FKBP6: variants seen among roughly 807,000 people sequenced by gnomAD.
FKBP6 encodes the protein inactive peptidyl-prolyl cis-trans isomerase FKBP6.
In FKBP6, 29 loss-of-function variants were observed where a neutral mutation model predicts 41.7. That is an observed-to-expected ratio of 0.70 (90% CI 0.52 to 0.95). FKBP6 has a LOEUF of 0.95. Among genes scored for constraint, FKBP6 ranks in the 40% least tolerant of loss-of-function variants. The pLI, the probability that FKBP6 is intolerant of heterozygous loss-of-function variation, is 0.00. For synonymous variants in FKBP6, 130 were observed against 165.1 expected, an observed-to-expected ratio of 0.79 and a Z score of 1.63; for missense variants, 338 against 408.7, an observed-to-expected ratio of 0.83 and a Z score of 1.49.
At chr7:73,339,663 G>C (rs1216950396) in intron 5 of FKBP6, among the ~76,000 whole-genome samples, 1 of 148,978 alleles carries the variant, frequency 6.7e-6, no homozygotes, top group Non-Finnish European at 1.5e-5. Context: ...ACCTAGGCTG[G>C]AGTGCAGTGG....
intron 8 of FKBP6, among the ~76,000 whole-genome samples, chr7:73,347,635 G>C (rs568771395): frequency 1.3e-5 from 2 of 152,126 alleles, no homozygotes; most frequent in Admixed American, 6.6e-5. Flanking sequence ...GCTAAAGACA[G>C]TATTTCTTGT....
At chr7:73,331,965 G>A (rs1015257743) in intron 5 of FKBP6, among the ~76,000 whole-genome samples, 189 bp downstream of exon 5, 3 of 152,024 alleles carry the variant, frequency 2.0e-5, no homozygotes, top group East Asian at 1.9e-4. Flanking sequence ...CTGGGTTCAC[G>A]CCATTCTCCT....
At chr7:73,331,578 G>T (rs782433988) in intron 4 of FKBP6, 79 bp from the exon 5 acceptor site, 10 of 1,487,538 alleles carry the variant, frequency 6.7e-6, no homozygotes, top group Non-Finnish European at 8.4e-6. Flanking sequence ...GAACTCCTGG[G>T]CTCACGTGTA....
chr7:73,338,502 G>T (rs962591579), intron 5 of FKBP6, among the ~76,000 whole-genome samples: 1 of 152,238 alleles, frequency 6.6e-6, no homozygotes, highest in Non-Finnish European at 1.5e-5. Flanking sequence ...GTGCCTAGGA[G>T]TGCAATTGCT....
chr7:73,330,780 A>G (rs1464157593), intron 4 of FKBP6, among the ~76,000 whole-genome samples: 2 of 152,186 alleles, frequency 1.3e-5, no homozygotes, highest in Non-Finnish European at 2.9e-5. Flanking sequence ...TACCCATGAC[A>G]TCGGGTTTAA....
intron 8 of FKBP6, among the ~76,000 whole-genome samples, chr7:73,357,269 GTTTTTT>G (rs11430645): frequency 3.1e-5 from 3 of 96,818 alleles, no homozygotes; most frequent in Non-Finnish European, 6.0e-5. Context: ...GTTTGGTTTG[GTTTTTT>G]TTTTTTTTTT....
In FKBP6 at chr7:73,340,709, T is replaced by C. The variant is rs782172730; in HGVS notation, c.660T>C (p.Pro220=). The C allele has an allele frequency of 8.7e-5, 140 of 1,613,878 alleles. No homozygotes were observed. Among genetic ancestry groups the C allele is most frequent in the Non-Finnish European group, 1.0e-4 (119 of 1,179,996 alleles). The change falls in exon 6 of 9, where the codon CCT becomes CCC. Residue 220 remains proline, a synonymous_variant. Transcript: ENST00000252037. The part of the protein sequence containing the change: ...EQHLVEAAKL[P]VLLNLSFTYL... ...ACCTGGTGGAGGCCGCCAAGCTTCC[T>C]GTTCTCCTGAACCTGTCCTTTACAT...
At chr7:73,341,482 C>T in intron 7 of FKBP6, 100 bp downstream of exon 7, 2 of 851,748 alleles carry the variant, frequency 2.3e-6, no homozygotes, top group Non-Finnish European at 4.0e-6. Flanking sequence ...GCGGTGTTGC[C>T]CAGAGTGTTA....
chr7:73,344,655 G>T (rs532577826), intron 8 of FKBP6, among the ~76,000 whole-genome samples: 1 of 152,070 alleles, frequency 6.6e-6, no homozygotes, highest in East Asian at 1.9e-4. Context: ...CACAATCTTG[G>T]CTCACTGCAG....
In FKBP6 at chr7:73,330,313, G is replaced by A. The variant is rs781889537; in HGVS notation, c.429G>A (p.Leu143=). 93 of 1,613,994 alleles carry A rather than the reference G, an allele frequency of 5.8e-5. No homozygotes were observed. The highest frequency in any genetic ancestry group is 7.5e-5 in the Non-Finnish European group (89 of 1,180,008). The part of the protein sequence containing the change: ...VLFEIELLDF[L]DCAESDKFCA... ...TTGAGATTGAGCTGCTTGACTTCCT[G>A]GACTGTGCTGAGTCAGACAAGTTTT... The change falls in exon 4 of 9, where the codon CTG becomes CTA. Residue 143 remains leucine, a synonymous_variant. Coordinates refer to ENST00000252037, the MANE Select transcript of FKBP6 (RefSeq NM_003602.5).
At position 73,332,088 on chromosome 7, in the gene FKBP6, T is replaced by G. The variant is rs570049656; in HGVS notation, c.588+312T>G. Among the ~76,000 whole-genome samples the G allele has an allele frequency of 2.0e-5, 3 of 152,166 alleles. No individual in the cohort carries two copies. In the South Asian group the frequency reaches 6.2e-4, roughly 32 times the overall value. On this transcript the variant is annotated intron_variant, in intron 5 of 8. Transcript: ENST00000252037. Reference sequence around the variant, plus strand: ...ACCGTGTTAGCCAGGATGGTCTCAATGTCCTGACCTCGTGATCTGCCCACC... The same window carrying G: ...ACCGTGTTAGCCAGGATGGTCTCAAGGTCCTGACCTCGTGATCTGCCCACC...
chr7:73,356,861 A>G (rs376913973), intron 8 of FKBP6, among the ~76,000 whole-genome samples: 62 of 152,210 alleles, frequency 4.1e-4, no homozygotes, highest in South Asian at 1.7e-3. Context: ...GCTCACTGCA[A>G]CCTCTGCCTC....
At position 73,342,820 on chromosome 7, in the gene FKBP6, T is replaced by C; in HGVS notation, c.907T>C (p.Tyr303His). 6.2e-7 allele frequency: 1 copy of C among 1,612,882 alleles called. No individual in the cohort carries two copies. The highest frequency in any genetic ancestry group is 8.5e-7 in the Non-Finnish European group (1 of 1,178,816). The stretch of plus-strand genomic sequence containing the variant: ...TTCCCTCTCCAGCTGTTACAGGGAC[T>C]ATGTGGATAAAGAGAAAGAAATGTG... ...LKKLASCYRD[Y>H]VDKEKEMWHR... The change falls in exon 8 of 9, where the codon TAT (tyrosine) becomes CAT (histidine). Residue 303 changes from tyrosine (Y) to histidine (H), a missense_variant. Coordinates refer to ENST00000252037, the MANE Select transcript of FKBP6 (RefSeq NM_003602.5).
chr7:73,340,235 T>A (rs4717752), intron 5 of FKBP6, among the ~76,000 whole-genome samples: 20,779 of 152,186 alleles, frequency 0.14, 1,627 homozygotes, highest in East Asian at 0.28. Flanking sequence ...CATAGAAATA[T>A]ACCTGACTTT....
intron 5 of FKBP6, among the ~76,000 whole-genome samples, chr7:73,338,833 A>G (rs1554548973): frequency 6.6e-6 from 1 of 152,160 alleles, no homozygotes; most frequent in Non-Finnish European, 1.5e-5. Context: ...CTGTCTTTGT[A>G]CTGAGGAGTA....
chr7:73,333,319 A>T (rs1804905960), intron 5 of FKBP6, among the ~76,000 whole-genome samples: 2 of 151,984 alleles, frequency 1.3e-5, no homozygotes, highest in African/African-American at 4.8e-5. Flanking sequence ...TGTCTCTGGA[A>T]CATACTCATA....
At chr7:73,358,001 A>C (rs1473984643) in intron 8 of FKBP6, among the ~76,000 whole-genome samples, 180 bp from the exon 9 acceptor site, 11 of 150,616 alleles carry the variant, frequency 7.3e-5, no homozygotes, top group Non-Finnish European at 1.6e-4. Context: ...AAAAAAAAAA[A>C]AGTTTCCCAG....
chr7:73,337,351 T>G lies in FKBP6; in HGVS notation c.589-3287T>G, dbSNP rs546101661. Among the ~76,000 whole-genome samples, 97 of 143,682 alleles carry G rather than the reference T, an allele frequency of 6.8e-4. 1 individual carries two copies. In the Middle Eastern group the frequency reaches 0.017, roughly 26 times the overall value. The allele number at this position is 143,682 out of a possible 152,430, so 94.3% of individuals were successfully genotyped here. On this transcript the variant is annotated intron_variant, in intron 5 of 8. Coordinates refer to ENST00000252037, the MANE Select transcript of FKBP6 (RefSeq NM_003602.5). ...TTTTTTGAGACAGAGTCTCACTCTA[T>G]CACCCAGGCTGGAGTGTACTGGCGC...
intron 8 of FKBP6, among the ~76,000 whole-genome samples, chr7:73,350,049 G>A (rs1335523417): frequency 6.6e-6 from 1 of 152,194 alleles, no homozygotes. Flanking sequence ...CTGTGTGTCA[G>A]GAAATGGATA....
Sources: gnomAD v4.1 joint callset for allele counts (sites outside exome capture counted in the v4.1 genomes callset) on GRCh38, gnomAD v4.1.1 for gene constraint, MANE v1.5 for transcripts, NCBI Gene and HGNC (gene_info 2026-07-23, HGNC 2026-07-21) for gene names.